The following ADAM12 variants were observed in gnomAD, a reference collection of about 807,000 sequenced individuals.
ADAM12 encodes the protein disintegrin and metalloproteinase domain-containing protein 12.
ADAM12 carries 70 observed loss-of-function variants against 106.4 expected under a neutral mutation model. That is an observed-to-expected ratio of 0.66 (90% CI 0.54 to 0.80). The LOEUF is 0.80. Among genes scored for constraint, ADAM12 ranks in the 30% least tolerant of loss-of-function variants. The probability of loss-of-function intolerance (pLI) is 0.00; values close to 1 mark genes in which losing one functional copy is unlikely to be tolerated. For missense variants in ADAM12, 1,010 were observed against 1,171.9 expected (o/e 0.86, Z 2.02); for synonymous variants, 420 against 433.5 (o/e 0.97, Z 0.39).
chr10:126,167,871 C>A (rs1957051926), intron 3 of ADAM12, among the ~76,000 whole-genome samples: 1 of 152,074 alleles, frequency 6.6e-6, no homozygotes, highest in Non-Finnish European at 1.5e-5. Flanking sequence ...TGGTATATGG[C>A]CATTTTATAG....
At chr10:126,312,097 A>G (rs11244952) in intron 2 of ADAM12, among the ~76,000 whole-genome samples, 74,058 of 146,254 alleles carry the variant, frequency 0.51, 19,524 homozygotes, top group Non-Finnish European at 0.57. Context: ...AGGACACCCA[A>G]CTGGTGTCCA....
At chr10:126,161,433 A>G (rs1315665937) in intron 3 of ADAM12, among the ~76,000 whole-genome samples, 1 of 152,188 alleles carries the variant, frequency 6.6e-6, no homozygotes, top group Non-Finnish European at 1.5e-5. Flanking sequence ...GCTCTTAACC[A>G]CTGTGTGGCG....
chr10:126,158,032 G>A (rs1004274652), intron 3 of ADAM12, among the ~76,000 whole-genome samples: 19 of 152,210 alleles, frequency 1.2e-4, no homozygotes, highest in African/African-American at 4.1e-4. Flanking sequence ...GGTGACAGGC[G>A]AGGTGAACGA....
intron 14 of ADAM12, among the ~76,000 whole-genome samples, chr10:126,051,560 T>TCCAC: frequency 2.8e-5 from 3 of 106,722 alleles, no homozygotes; most frequent in African/African-American, 1.4e-4. Flanking sequence ...CATCCATCCA[T>TCCAC]CCATCCATCC....
chr10:126,220,192 G>T (rs1350180463), intron 3 of ADAM12, among the ~76,000 whole-genome samples: 1 of 152,198 alleles, frequency 6.6e-6, no homozygotes, highest in Non-Finnish European at 1.5e-5. Flanking sequence ...CGTGACTAGG[G>T]CTTAGTTAAC....
At chr10:126,272,805 G>A in intron 3 of ADAM12, 1 of 381,092 alleles carries the variant, frequency 2.6e-6, no homozygotes, top group Non-Finnish European at 5.5e-6. Flanking sequence ...TCAGGCTATG[G>A]TCAGCATTAA....
intron 4 of ADAM12, among the ~76,000 whole-genome samples, chr10:126,139,763 A>G (rs796232994): frequency 3.9e-5 from 6 of 152,302 alleles, no homozygotes; most frequent in African/African-American, 1.4e-4. Flanking sequence ...GCCATCTTCA[A>G]TAAGCACGTG....
chr10:126,351,833 GTTAT>G (rs1855373588), intron 1 of ADAM12, among the ~76,000 whole-genome samples: 1 of 152,150 alleles, frequency 6.6e-6, no homozygotes, highest in African/African-American at 2.4e-5. Flanking sequence ...GGCTTCAGGG[GTTAT>G]TTATAATCCC....
chr10:126,284,085 C>T (rs1959723579), intron 2 of ADAM12, among the ~76,000 whole-genome samples: 1 of 152,094 alleles, frequency 6.6e-6, no homozygotes, highest in Non-Finnish European at 1.5e-5. Flanking sequence ...GTAATCCCAG[C>T]ACTTTGGGAG....
At chr10:126,102,614 C>T (rs1380203428) in intron 8 of ADAM12, among the ~76,000 whole-genome samples, 5 of 152,138 alleles carry the variant, frequency 3.3e-5, no homozygotes, top group African/African-American at 9.7e-5. Context: ...AGAATATGAC[C>T]AGGATACAAA....
chr10:126,368,885 C>T (rs2133916682), intron 1 of ADAM12, among the ~76,000 whole-genome samples: 1 of 152,234 alleles, frequency 6.6e-6, no homozygotes, highest in Non-Finnish European at 1.5e-5. Flanking sequence ...GCATAGAGTT[C>T]TTCATGCCCA....
Position 126,014,340 on chromosome 10 carries a change from G to A in ADAM12, c.*2939C>T, listed in dbSNP as rs1277915616. The A allele has an allele frequency of 1.6e-5, 1 of 62,544 alleles. No homozygotes were observed. Among genetic ancestry groups the A allele is most frequent in the Non-Finnish European group, 3.4e-5 (1 of 29,618 alleles). 3.9% of individuals were successfully genotyped at this position (62,544 alleles called of 1,614,324 possible). A position where few individuals can be genotyped will look rare whatever the true frequency, so the allele number is the denominator to read the frequency against. The stretch of plus-strand genomic sequence containing the variant: ...TTTTTTTTTTTTTTTTTTTTTTTGA[G>A]GATGCATTGATGTATTGATTTGCCT... On this transcript the variant is annotated 3_prime_UTR_variant, in exon 23 of 23. Transcript: ENST00000448723.
At chr10:126,385,433 C>T (rs1856629406) in intron 1 of ADAM12, among the ~76,000 whole-genome samples, 1 of 152,144 alleles carries the variant, frequency 6.6e-6, no homozygotes, top group Non-Finnish European at 1.5e-5. Flanking sequence ...CCAGAGATTC[C>T]AAGGATTTTA....
intron 3 of ADAM12, among the ~76,000 whole-genome samples, chr10:126,186,244 C>A (rs1565123631): frequency 6.6e-6 from 1 of 152,170 alleles, no homozygotes; most frequent in Non-Finnish European, 1.5e-5. Context: ...GGCAGAAAAA[C>A]CCTATCGATC....
intron 3 of ADAM12, among the ~76,000 whole-genome samples, chr10:126,257,868 C>T (rs1958923239): frequency 6.6e-6 from 1 of 152,150 alleles, no homozygotes. Flanking sequence ...CAGGTGAGTT[C>T]CTAACCAGAG....
rs1343113571 is a variant in ADAM12 at position 126,019,696 on chromosome 10, T to G, written c.2659A>C (p.Arg887=). 2.5e-6 allele frequency: 4 copies of G among 1,613,320 alleles called. No individual in the cohort carries two copies. The highest frequency in any genetic ancestry group is 3.4e-6 in the Non-Finnish European group (4 of 1,179,574). ...WETGLRLAPL[R]PAPQYPHQVP... ...ATGGGCATGGCATGTCACACAAACCTGAGGGGTGCCAGGCGGAGCCCAGTC... is the reference window on the plus strand; with the variant it reads ...ATGGGCATGGCATGTCACACAAACCGGAGGGGTGCCAGGCGGAGCCCAGTC... The change falls in exon 22 of 23, where the codon AGA becomes CGA. Residue 887 remains arginine (R), a splice_region_variant and synonymous_variant. Coordinates refer to ENST00000448723, the MANE Select transcript of ADAM12 (RefSeq NM_001288973.2).
chr10:126,038,737 A>G (rs1393150847), intron 19 of ADAM12, among the ~76,000 whole-genome samples: 1 of 152,204 alleles, frequency 6.6e-6, no homozygotes, highest in Non-Finnish European at 1.5e-5. Flanking sequence ...GAGAAAACAC[A>G]TCAGTGGAAT....
rs1288730073 is a variant in ADAM12 at position 126,019,703 on chromosome 10, T to A, written c.2652A>T (p.Ala884=). The A allele has an allele frequency of 6.2e-7, 1 of 1,613,526 alleles. No individual in the cohort carries two copies. Among genetic ancestry groups the A allele is most frequent in the Non-Finnish European group, 8.5e-7 (1 of 1,179,734 alleles). ...PGQWETGLRL[A]PLRPAPQYPH... The stretch of plus-strand genomic sequence containing the variant: ...TGGCATGTCACACAAACCTGAGGGG[T>A]GCCAGGCGGAGCCCAGTCTCCCATT... Residue 884 remains alanine (A), a synonymous_variant, in exon 22 of 23, where the codon GCA becomes GCT. Coordinates refer to ENST00000448723, the MANE Select transcript of ADAM12 (RefSeq NM_001288973.2).
At chr10:126,179,896 G>C (rs947771383) in intron 3 of ADAM12, among the ~76,000 whole-genome samples, 1 of 152,162 alleles carries the variant, frequency 6.6e-6, no homozygotes, top group East Asian at 1.9e-4. Flanking sequence ...CGGCTTCCTG[G>C]ATGTGGTGAC....
Sources: gnomAD v4.1 joint callset for allele counts (sites outside exome capture counted in the v4.1 genomes callset) on GRCh38, gnomAD v4.1.1 for gene constraint, MANE v1.5 for transcripts, NCBI Gene and HGNC (gene_info 2026-07-23, HGNC 2026-07-21) for gene names.